DCAF8L2: variants seen among roughly 807,000 people sequenced by gnomAD.
DCAF8L2 encodes DDB1- and CUL4-associated factor 8-like protein 2.
For missense variants in DCAF8L2, 430 were observed against 490.7 expected (o/e 0.88, Z 1.17); for synonymous variants, 200 against 190.9 (o/e 1.05, Z -0.39).
chrX:27,516,836 TC>T, the DCAF8L2 span, among the ~76,000 whole-genome samples: 1 of 111,715 alleles, frequency 9.0e-6, no homozygotes, highest in Non-Finnish European at 1.9e-5. Context: ...ATGCTGCCCT[TC>T]CAGAAAGGTC....
the DCAF8L2 span, among the ~76,000 whole-genome samples, chrX:27,534,045 C>CA: frequency 9.1e-6 from 1 of 109,764 alleles, no homozygotes; most frequent in East Asian, 2.9e-4. Flanking sequence ...CCCTTCTTTA[C>CA]AAAAAACCCA....
At chrX:27,731,247 A>C (rs896475575) in intron 4 of DCAF8L2, among the ~76,000 whole-genome samples, 3 of 110,033 alleles carry the variant, frequency 2.7e-5, no homozygotes, top group African/African-American at 9.9e-5. Flanking sequence ...CTACTTAAAA[A>C]AAAAAATACA....
chrX:27,489,149 G>A, the DCAF8L2 span, among the ~76,000 whole-genome samples: 14 of 112,001 alleles, frequency 1.2e-4, no homozygotes, highest in Non-Finnish European at 2.3e-4. Context: ...CCAGGCTGGA[G>A]TGCAGTGGCA....
intron 1 of DCAF8L2, among the ~76,000 whole-genome samples, chrX:27,605,174 A>G (rs919539549): frequency 9.9e-5 from 11 of 111,083 alleles, no homozygotes; most frequent in Admixed American, 8.7e-4. Flanking sequence ...CTCACTGCAC[A>G]TAAAGATATA....
chrX:27,548,154 G>A, the DCAF8L2 span, among the ~76,000 whole-genome samples: 2 of 110,023 alleles, frequency 1.8e-5, no homozygotes, highest in African/African-American at 6.6e-5. Context: ...ACTTCATAAA[G>A]GACATAATAA....
At chrX:27,562,665 G>A in the DCAF8L2 span, among the ~76,000 whole-genome samples, 1 of 112,179 alleles carries the variant, frequency 8.9e-6, no homozygotes, top group Non-Finnish European at 1.9e-5. Context: ...CTGGCGGGGA[G>A]CTCTGGAGCA....
intron 3 of DCAF8L2, among the ~76,000 whole-genome samples, chrX:27,678,688 A>G (rs1381666791): frequency 9.0e-6 from 1 of 111,641 alleles, no homozygotes; most frequent in Non-Finnish European, 1.9e-5. Flanking sequence ...CAGGGGCTGG[A>G]AGGGCGTTAC....
chrX:27,601,920 C>G (rs1344500060), intron 1 of DCAF8L2, among the ~76,000 whole-genome samples: 1 of 111,254 alleles, frequency 9.0e-6, no homozygotes, highest in African/African-American at 3.3e-5. Context: ...AACTGCAGTT[C>G]AGGAAGGGAG....
chrX:27,689,796 A>G (rs1229111921), intron 3 of DCAF8L2, among the ~76,000 whole-genome samples: 1 of 112,178 alleles, frequency 8.9e-6, no homozygotes, highest in Non-Finnish European at 1.9e-5. Flanking sequence ...TCCTGTCTTT[A>G]TGGATTTCAA....
chrX:27,547,867 CTCTTTCTCTCTCTCTCTCTCTCTT>C, the DCAF8L2 span, among the ~76,000 whole-genome samples: 2 of 62,667 alleles, frequency 3.2e-5, no homozygotes, highest in African/African-American at 1.2e-4. Flanking sequence ...CTCTCTCTCT[CTCTTTCTCTCTCTCTCTCTCTCTT>C]TCTCTCTCTC....
rs914855381 is a variant in DCAF8L2, at chrX:27,619,701, TA to T, written c.-341-12173del. Among the ~76,000 whole-genome samples, 3 of 111,624 alleles carry T rather than the reference TA, an allele frequency of 2.7e-5. No homozygotes were observed. The Admixed American group carries it at 2.9e-4, about 11-fold the overall frequency. The stretch of plus-strand genomic sequence containing the variant: ...CAGCTGCTTCCTTTCCACCTTCCAA[TA>T]AAAATGTTTGAGGAAATAATTCACT... On this transcript the variant is annotated intron_variant, in intron 1 of 4. Transcript: ENST00000451261.
chrX:27,743,688 C>A (rs1280739828), intron 4 of DCAF8L2, among the ~76,000 whole-genome samples: 1 of 103,442 alleles, frequency 9.7e-6, no homozygotes, highest in Admixed American at 1.1e-4. Flanking sequence ...AGCCACCATG[C>A]CTGGCTTTTA....
the DCAF8L2 span, among the ~76,000 whole-genome samples, chrX:27,532,582 A>G: frequency 9.0e-6 from 1 of 110,709 alleles, no homozygotes; most frequent in South Asian, 3.8e-4. Flanking sequence ...TGTTTCTGTT[A>G]GGAATTATAA....
chrX:27,748,473 T>G lies in DCAF8L2; in HGVS notation c.1578T>G (p.Pro526=), dbSNP rs770628970. 2.5e-6 allele frequency: 3 copies of G among 1,207,342 alleles called. No individual in the cohort carries two copies. The highest frequency in any genetic ancestry group is 2.3e-4 in the Middle Eastern group (1 of 4,373). Residue 526 remains proline (P), a synonymous_variant, in exon 5 of 5, where the codon CCT becomes CCG. Transcript: ENST00000451261. ...GTCTTGAACCCCACCCTTACCTACC[T>G]GTGTTGGCGTGCAGTGGCCTAGATC... ...INCLEPHPYL[P]VLACSGLDHD... is the part of the protein sequence containing the mutation.
At chrX:27,550,324 A>G in the DCAF8L2 span, among the ~76,000 whole-genome samples, 10,669 of 111,391 alleles carry the variant, frequency 0.096, 408 homozygotes, top group Non-Finnish European at 0.12. Context: ...CAATACATGT[A>G]TACATTGTAT....
the DCAF8L2 span, chrX:27,519,262 C>G: frequency 1.0e-6 from 1 of 988,240 alleles, no homozygotes; most frequent in Non-Finnish European, 1.4e-6. Flanking sequence ...AGAACAGACT[C>G]AAAAAGCTCT....
the DCAF8L2 span, among the ~76,000 whole-genome samples, chrX:27,560,131 G>A: frequency 2.7e-5 from 3 of 109,865 alleles, no homozygotes; most frequent in African/African-American, 1.0e-4. Context: ...GCCGGGCGTG[G>A]TGGTGGGTGC....
At chrX:27,587,139 T>C (rs1925918746), upstream of DCAF8L2, among the ~76,000 whole-genome samples, 3 of 111,661 alleles carry the variant, frequency 2.7e-5, no homozygotes, top group African/African-American at 9.7e-5. Flanking sequence ...TATTTAAATA[T>C]CTATGAAGGA....
the DCAF8L2 span, among the ~76,000 whole-genome samples, chrX:27,527,956 G>T: frequency 2.5e-5 from 1 of 39,448 alleles, no homozygotes; most frequent in African/African-American, 5.3e-5. Context: ...CAGGTCTAGT[G>T]CTTGGAATTA....
Sources: allele counts gnomAD v4.1 joint callset (sites outside exome capture counted in the v4.1 genomes callset), GRCh38; gene constraint gnomAD v4.1.1; transcripts MANE v1.5; gene names NCBI Gene and HGNC (gene_info 2026-07-23, HGNC 2026-07-21).